Variants in SCFD2 observed in about 807,000 individuals in gnomAD.
SCFD2 encodes the protein sec1 family domain-containing protein 2.
In SCFD2, 54 loss-of-function variants were observed where a neutral mutation model predicts 58.9. That is an observed-to-expected ratio of 0.92 (90% CI 0.74 to 1.15). SCFD2 has a LOEUF of 1.15. Ranked by LOEUF, SCFD2 falls within the 50% of genes most tolerant of loss-of-function variation. SCFD2 has a pLI of 0.00. For missense variants in SCFD2, 805 were observed against 836.6 expected (o/e 0.96, Z 0.47); for synonymous variants, 321 against 335.9 (o/e 0.96, Z 0.49).
chr4:53,243,775 G>A (rs1729976615), intron 4 of SCFD2, among the ~76,000 whole-genome samples: 2 of 151,954 alleles, frequency 1.3e-5, no homozygotes, highest in African/African-American at 4.8e-5. Flanking sequence ...ACACCCATAG[G>A]CACAAAATAA....
chr4:53,251,685 C>A (rs199502899), intron 4 of SCFD2, among the ~76,000 whole-genome samples: 9,963 of 151,586 alleles, frequency 0.066, 358 homozygotes, highest in Middle Eastern at 0.12. Context: ...ATTCAACAAC[C>A]CTTCATGCTA....
intron 3 of SCFD2, among the ~76,000 whole-genome samples, chr4:53,306,455 C>A (rs566758638): frequency 6.6e-6 from 1 of 152,100 alleles, no homozygotes; most frequent in East Asian, 1.9e-4. Context: ...AGGAATAATA[C>A]GTATCAGAAA....
chr4:53,230,795 G>A (rs958134500), intron 4 of SCFD2, among the ~76,000 whole-genome samples: 3 of 151,752 alleles, frequency 2.0e-5, no homozygotes, highest in Non-Finnish European at 4.4e-5. Flanking sequence ...AAAAAGATAT[G>A]CAATATCTGA....
chr4:53,128,829 AAGGGCTGTGCAT>A (rs1240846901), intron 5 of SCFD2, among the ~76,000 whole-genome samples: 1 of 152,196 alleles, frequency 6.6e-6, no homozygotes, highest in Non-Finnish European at 1.5e-5. Context: ...GATTTCACAG[AAGGGCTGTGCAT>A]TCCCAGTTAG....
chr4:53,077,232 T>C (rs1179192956), intron 5 of SCFD2, among the ~76,000 whole-genome samples: 1 of 152,162 alleles, frequency 6.6e-6, no homozygotes, highest in African/African-American at 2.4e-5. Flanking sequence ...ACTTTATTAA[T>C]AGAATTCCTT....
At chr4:53,151,139 A>C in intron 4 of SCFD2, among the ~76,000 whole-genome samples, 1 of 152,228 alleles carries the variant, frequency 6.6e-6, no homozygotes, top group African/African-American at 2.4e-5. Flanking sequence ...GGGGCAGCCT[A>C]CAAATACTGG....
At chr4:53,266,358 T>C (rs1322628150) in intron 4 of SCFD2, among the ~76,000 whole-genome samples, 1 of 152,232 alleles carries the variant, frequency 6.6e-6, no homozygotes, top group Non-Finnish European at 1.5e-5. Flanking sequence ...AATACACATA[T>C]AGTCTCACTC....
chr4:53,358,909 G>A (rs984321573), intron 1 of SCFD2, among the ~76,000 whole-genome samples: 1 of 152,108 alleles, frequency 6.6e-6, no homozygotes, highest in Admixed American at 6.5e-5. Flanking sequence ...GAAAGAGATG[G>A]GCATCAGTGG....
rs570542565 is a variant in SCFD2 at position 53,161,909 on chromosome 4, C to T, written c.1312-16327G>A. On this transcript the variant is annotated intron_variant, in intron 4 of 8. Coordinates refer to ENST00000401642, the MANE Select transcript of SCFD2 (RefSeq NM_152540.4). Reference sequence around the variant, plus strand: ...AACTATCCGTGACCTAAATTTCCTGCTGATTCTGTTGGCCCCAGGTTAGGC... The same window carrying T: ...AACTATCCGTGACCTAAATTTCCTGTTGATTCTGTTGGCCCCAGGTTAGGC... Among the ~76,000 whole-genome samples, 8 of 152,262 alleles carry T rather than the reference C, an allele frequency of 5.3e-5. No individual in the cohort carries two copies. In the South Asian group the frequency reaches 1.5e-3, roughly 28 times the overall value.
intron 1 of SCFD2, among the ~76,000 whole-genome samples, chr4:53,360,521 T>C (rs546194180): frequency 1.1e-4 from 17 of 152,310 alleles, no homozygotes; most frequent in African/African-American, 3.8e-4. Flanking sequence ...AACCAGTAGA[T>C]AGGCAAATAC....
intron 1 of SCFD2, among the ~76,000 whole-genome samples, chr4:53,355,070 G>A (rs1046682527): frequency 1.3e-5 from 2 of 152,198 alleles, no homozygotes; most frequent in African/African-American, 4.8e-5. Context: ...TTTTATGTGT[G>A]TCAGTGTCAT....
chr4:53,330,134 G>T (rs1184146564), intron 2 of SCFD2, among the ~76,000 whole-genome samples: 1 of 152,324 alleles, frequency 6.6e-6, no homozygotes, highest in South Asian at 2.1e-4. Flanking sequence ...GTACCTGAAA[G>T]TGATGGGGAG....
chr4:53,034,397 C>T (rs539741033), intron 5 of SCFD2, among the ~76,000 whole-genome samples: 1 of 152,210 alleles, frequency 6.6e-6, no homozygotes, highest in African/African-American at 2.4e-5. Flanking sequence ...GGAAGCATTC[C>T]CTTTGAAAAC....
chr4:52,975,484 C>A (rs544350080), intron 5 of SCFD2, among the ~76,000 whole-genome samples: 28 of 152,278 alleles, frequency 1.8e-4, no homozygotes, highest in African/African-American at 6.7e-4. Flanking sequence ...CCATCTCACA[C>A]CAGTTAGAAT....
intron 5 of SCFD2, among the ~76,000 whole-genome samples, chr4:53,044,272 C>A (rs573333603): frequency 6.6e-6 from 1 of 152,068 alleles, no homozygotes; most frequent in African/African-American, 2.4e-5. Context: ...ACCCTGCTTC[C>A]CCCACTGTCC....
chr4:53,045,748 T>A (rs1432406240), intron 5 of SCFD2, among the ~76,000 whole-genome samples: 1 of 152,212 alleles, frequency 6.6e-6, no homozygotes, highest in Non-Finnish European at 1.5e-5. Flanking sequence ...ACTGAATGAA[T>A]TAATCTACCA....
intron 1 of SCFD2, among the ~76,000 whole-genome samples, chr4:53,355,710 C>A (rs1734380035): frequency 6.6e-6 from 1 of 152,196 alleles, no homozygotes; most frequent in African/African-American, 2.4e-5. Flanking sequence ...CCTACCCCTC[C>A]AACTGATCTC....
At chr4:53,125,589 C>T (rs997831686) in intron 5 of SCFD2, among the ~76,000 whole-genome samples, 11 of 152,234 alleles carry the variant, frequency 7.2e-5, no homozygotes, top group African/African-American at 1.4e-4. Flanking sequence ...ATGGGACACA[C>T]GCTCATGTTT....
At chr4:52,879,662 C>T (rs1698227195) in intron 8 of SCFD2, among the ~76,000 whole-genome samples, 1 of 152,240 alleles carries the variant, frequency 6.6e-6, no homozygotes, top group South Asian at 2.1e-4. Flanking sequence ...TCAGGCCTGC[C>T]CTGAACTCCA....
Sources: allele counts gnomAD v4.1 joint callset (sites outside exome capture counted in the v4.1 genomes callset), GRCh38; gene constraint gnomAD v4.1.1; transcripts MANE v1.5; gene names NCBI Gene and HGNC (gene_info 2026-07-23, HGNC 2026-07-21).